ZFR: variants seen among roughly 807,000 people sequenced by gnomAD.
The protein encoded by ZFR is zinc finger RNA-binding protein.
Under a neutral mutation model 130.7 loss-of-function variants are expected in ZFR, and 19 were observed. The ratio of observed to expected loss-of-function variants is 0.15; its 90% CI spans 0.10 to 0.21. The LOEUF is 0.21. Among genes scored for constraint, ZFR ranks in the 10% least tolerant of loss-of-function variants. The pLI is 1.00. For missense variants in ZFR, 872 were observed against 1,321.5 expected (o/e 0.66, Z 5.27); for synonymous variants, 466 against 456.9 (o/e 1.02, Z -0.25).
intron 5 of ZFR, among the ~76,000 whole-genome samples, chr5:32,408,600 A>G (rs1315378613): frequency 2.0e-5 from 3 of 152,194 alleles, no homozygotes; most frequent in Non-Finnish European, 4.4e-5. Flanking sequence ...TTTAAACTAT[A>G]CATGTTTTTG....
At chr5:32,428,283 A>G (rs182855237) in intron 2 of ZFR, among the ~76,000 whole-genome samples, 2 of 152,250 alleles carry the variant, frequency 1.3e-5, no homozygotes, top group Admixed American at 1.3e-4. Flanking sequence ...GCGTGGTGGC[A>G]CATGCCTGTA....
intron 14 of ZFR, among the ~76,000 whole-genome samples, chr5:32,385,971 T>C (rs1306167753): frequency 6.6e-6 from 1 of 152,134 alleles, no homozygotes; most frequent in African/African-American, 2.4e-5. Context: ...ATAATTTGAA[T>C]GAAGCTAAAA....
rs368448088 is a variant in ZFR at position 32,421,037 on chromosome 5, G to A, written c.138-934C>T. 6.6e-5 allele frequency among the ~76,000 whole-genome samples: 10 copies of A among 152,138 alleles called. No homozygotes were observed. The East Asian group carries it at 7.7e-4, about 12-fold the overall frequency. ...ACATTTTCCAAAACAGCAATCAAAT[G>A]AATTTCTAGCTAAAGTTCTTACAGG... is the stretch of plus-strand genomic sequence containing the variant. On this transcript the variant is annotated intron_variant, in intron 2 of 19. Coordinates refer to ENST00000265069, the MANE Select transcript of ZFR (RefSeq NM_016107.5).
At chr5:32,437,186 T>C (rs1248520984) in intron 2 of ZFR, among the ~76,000 whole-genome samples, 1 of 152,192 alleles carries the variant, frequency 6.6e-6, no homozygotes. Context: ...AACTCCATAG[T>C]CAAAATCCTC....
chr5:32,411,714 G>GGGGGGGGC (rs138920140), intron 5 of ZFR, among the ~76,000 whole-genome samples: 37 of 54,610 alleles, frequency 6.8e-4, no homozygotes, highest in Non-Finnish European at 9.4e-4. Flanking sequence ...AATTGAGGGG[G>GGGGGGGGC]GGCGGGGAAT....
chr5:32,387,407 ACAAT>A, intron 14 of ZFR, 138 bp downstream of exon 14: 1 of 836,746 alleles, frequency 1.2e-6, no homozygotes, highest in Non-Finnish European at 1.9e-6. Context: ...ATCAGTTTGC[ACAAT>A]CAAACAAAAA....
chr5:32,407,944 T>C (rs939387640), intron 5 of ZFR, among the ~76,000 whole-genome samples: 9 of 152,112 alleles, frequency 5.9e-5, no homozygotes, highest in Non-Finnish European at 1.2e-4. Flanking sequence ...TTTCCTACAA[T>C]GCTTTTTATA....
intron 3 of ZFR, among the ~76,000 whole-genome samples, chr5:32,418,356 T>C (rs1753879583): frequency 6.6e-6 from 1 of 152,172 alleles, no homozygotes; most frequent in African/African-American, 2.4e-5. Flanking sequence ...TAAATAATAC[T>C]TAAGTAAAAA....
chr5:32,380,093 G>A lies in ZFR; in HGVS notation c.2721C>T (p.Arg907=). ...TCCGAACCTGGAACCACTTAGCGTGGCGTAGAGCAGCCAGAGCGTCAAGGC... is the reference window on the plus strand; with the variant it reads ...TCCGAACCTGGAACCACTTAGCGTGACGTAGAGCAGCCAGAGCGTCAAGGC... The part of the protein sequence containing the change: ...QKCLDALAAL[R]HAKWFQARAN... The change falls in exon 16 of 20, where the codon CGC becomes CGT. Residue 907 remains arginine, a synonymous_variant. Transcript: ENST00000265069. 6.2e-7 allele frequency: 1 copy of A among 1,614,032 alleles called. No homozygotes were observed. Among genetic ancestry groups the A allele is most frequent in the Non-Finnish European group, 8.5e-7 (1 of 1,179,894 alleles).
rs561117382 is a variant in ZFR, at chr5:32,385,228, A to G, written c.2641+280T>C. Among the ~76,000 whole-genome samples the G allele has an allele frequency of 7.0e-4, 18 of 25,634 alleles. No homozygotes were observed. In the East Asian group the frequency reaches 7.6e-3, roughly 11 times the overall value. 16.8% of individuals were successfully genotyped at this position (25,634 alleles called of 152,430 possible). A position where few individuals can be genotyped will look rare whatever the true frequency, so the allele number is the denominator to read the frequency against. On this transcript the variant is annotated intron_variant, in intron 15 of 19. Transcript: ENST00000265069. ...ATGCATTGACTATGCCAGTAAAAAT[A>G]ATTTTGAAGTTTTTTTTCCAGAAAT... is the stretch of plus-strand genomic sequence containing the variant.
At chr5:32,417,986 T>C (rs1390021692) in intron 3 of ZFR, among the ~76,000 whole-genome samples, 194 bp from the exon 4 acceptor site, 1 of 152,052 alleles carries the variant, frequency 6.6e-6, no homozygotes, top group African/African-American at 2.4e-5. Context: ...CAAGGCTGGG[T>C]GCGGTGGCTC....
chr5:32,400,228 A>G, intron 8 of ZFR, 25 bp from the exon 9 acceptor site: 8 of 1,518,648 alleles, frequency 5.3e-6, no homozygotes, highest in Non-Finnish European at 7.0e-6. Context: ...AAAAGTTAAA[A>G]AAAATTTTAT....
rs79176947 is a variant in ZFR at position 32,430,502 on chromosome 5, G to C, written c.138-10399C>G. Among the ~76,000 whole-genome samples the C allele has an allele frequency of 6.5e-3, 986 of 152,036 alleles. 5 individuals carry two copies. Among genetic ancestry groups the C allele is most frequent in the Non-Finnish European group, 0.011 (760 of 67,980 alleles). ...AAAGTGGTTAACTTACATCTAATTG[G>C]AATTACAAATGGAGAGAAAGACTAG... On this transcript the variant is annotated intron_variant, in intron 2 of 19. Coordinates refer to ENST00000265069, the MANE Select transcript of ZFR (RefSeq NM_016107.5).
At chr5:32,401,464 G>C (rs897091786) in intron 8 of ZFR, among the ~76,000 whole-genome samples, 2 of 152,096 alleles carry the variant, frequency 1.3e-5, no homozygotes, top group Non-Finnish European at 2.9e-5. Context: ...ATATGAACTG[G>C]TCAGAAAGAA....
intron 2 of ZFR, among the ~76,000 whole-genome samples, chr5:32,439,684 T>A (rs58772685): frequency 6.6e-6 from 1 of 151,806 alleles, no homozygotes; most frequent in Admixed American, 6.6e-5. Context: ...CTCACACCTG[T>A]AATCCCAGCA....
intron 8 of ZFR, among the ~76,000 whole-genome samples, chr5:32,400,734 G>A (rs1753430978): frequency 6.6e-6 from 1 of 152,100 alleles, no homozygotes; most frequent in Non-Finnish European, 1.5e-5. Flanking sequence ...CATGCCTGCA[G>A]TCCTAGCTAC....
At chr5:32,431,993 ATTT>A (rs572737993) in intron 2 of ZFR, among the ~76,000 whole-genome samples, 2 of 137,556 alleles carry the variant, frequency 1.5e-5, no homozygotes, top group Non-Finnish European at 1.6e-5. Flanking sequence ...ATGCCCAGCT[ATTT>A]TTTTTTTTTT....
rs561545610 is a variant in ZFR at position 32,386,551 on chromosome 5, C to T, written c.2500-902G>A. Among the ~76,000 whole-genome samples the T allele has an allele frequency of 3.7e-4, 57 of 152,158 alleles. 1 individual carries two copies. The South Asian group carries it at 0.012, about 32-fold the overall frequency. On this transcript the variant is annotated intron_variant, in intron 14 of 19. Transcript: ENST00000265069. Reference sequence around the variant, plus strand: ...CTATGATTCTTCCAAGGCTTCCAAACCTTTTATTTTCCCCCTTCATTGCCC... The same window carrying T: ...CTATGATTCTTCCAAGGCTTCCAAATCTTTTATTTTCCCCCTTCATTGCCC...
chr5:32,380,021 C>T (rs1228875502), intron 16 of ZFR, 54 bp downstream of exon 16: 7 of 1,453,002 alleles, frequency 4.8e-6, no homozygotes, highest in Non-Finnish European at 6.8e-6. Flanking sequence ...ACATGTTGTA[C>T]TGAACTACTT....
Sources: gnomAD v4.1 joint callset for allele counts (sites outside exome capture counted in the v4.1 genomes callset) on GRCh38, gnomAD v4.1.1 for gene constraint, MANE v1.5 for transcripts, NCBI Gene and HGNC (gene_info 2026-07-23, HGNC 2026-07-21) for gene names.